SGCD: variants seen among roughly 807,000 people sequenced by gnomAD.
The protein encoded by SGCD is delta-sarcoglycan.
In SGCD, 18 loss-of-function variants were observed where a neutral mutation model predicts 36.6. The ratio of observed to expected loss-of-function variants is 0.49; its 90% CI spans 0.34 to 0.73. The LOEUF is 0.73. Ranked by LOEUF, SGCD falls within the 30% of genes least tolerant of loss-of-function variation. SGCD has a pLI of 0.01. For missense variants in SGCD, 387 were observed against 346.7 expected, an observed-to-expected ratio of 1.12 and a Z score of -0.92; for synonymous variants, 133 against 130.6, an observed-to-expected ratio of 1.02 and a Z score of -0.12.
intron 6 of SGCD, among the ~76,000 whole-genome samples, chr5:156,643,372 G>A (rs151096111): frequency 8.5e-4 from 129 of 152,134 alleles, no homozygotes; most frequent in Middle Eastern, 3.4e-3. Context: ...CACTAGTGGA[G>A]GATACTATAT....
chr5:156,169,326 C>T lies in SGCD; in HGVS notation c.-44+45307C>T, dbSNP rs756714062. Among the ~76,000 whole-genome samples the T allele has an allele frequency of 7.7e-4, 118 of 152,326 alleles. 1 individual carries two copies. Among genetic ancestry groups the T allele is most frequent in the Non-Finnish European group, 4.7e-4 (32 of 68,026 alleles). On this transcript the variant is annotated intron_variant, in intron 3 of 9. Transcript: ENST00000517913. Reference sequence around the variant, plus strand: ...TAGTGGCTAAGCAGCGGTCTTGTCGCATTTCCTCACTTATATAACCACACA... The same window carrying T: ...TAGTGGCTAAGCAGCGGTCTTGTCGTATTTCCTCACTTATATAACCACACA...
intron 3 of SGCD, among the ~76,000 whole-genome samples, chr5:156,233,850 A>C (rs1236993372): frequency 6.6e-6 from 1 of 152,104 alleles, no homozygotes; most frequent in Non-Finnish European, 1.5e-5. Context: ...GCCCCACTGC[A>C]CTCTAGCATG....
At chr5:156,282,067 A>G (rs559066358) in intron 3 of SGCD, among the ~76,000 whole-genome samples, 1 of 152,090 alleles carries the variant, frequency 6.6e-6, no homozygotes. Flanking sequence ...TAGTTTTACC[A>G]TACATCTGAA....
At chr5:156,486,912 TG>T (rs1755696304) in intron 3 of SGCD, among the ~76,000 whole-genome samples, 1 of 152,018 alleles carries the variant, frequency 6.6e-6, no homozygotes, top group South Asian at 2.1e-4. Flanking sequence ...TTCCAAGAAT[TG>T]GTTCACTGCC....
At chr5:156,393,751 A>G in intron 3 of SGCD, 1 of 456,334 alleles carries the variant, frequency 2.2e-6, no homozygotes, top group Non-Finnish European at 4.4e-6. Context: ...TTTGACATCT[A>G]GAGCATCCAT....
chr5:156,314,414 T>C lies in SGCD; in HGVS notation c.-43-15120T>C, dbSNP rs116233401. ...AAGATTTATGAGTCAAAATTAACTA[T>C]AATATAGACATTGCATTATATTAAA... On this transcript the variant is annotated intron_variant, in intron 3 of 9. Transcript: ENST00000517913. Among the ~76,000 whole-genome samples, 1,263 of 152,184 alleles carry C rather than the reference T, an allele frequency of 8.3e-3. 13 individuals are homozygous for C. Among genetic ancestry groups the C allele is most frequent in the African/African-American group, 0.027 (1,143 of 41,572 alleles).
the SGCD span, among the ~76,000 whole-genome samples, chr5:155,745,228 G>A: frequency 2.6e-5 from 4 of 152,272 alleles, no homozygotes; most frequent in South Asian, 6.2e-4. Context: ...ATCCCAGAAG[G>A]CTGATATAGA....
Position 156,473,924 on chromosome 5 carries a change from C to A in SGCD, c.193-34677C>A, listed in dbSNP as rs1035285192. On this transcript the variant is annotated intron_variant, in intron 3 of 8. Coordinates refer to ENST00000337851, the MANE Select transcript of SGCD (RefSeq NM_000337.6). ...TAAATAAATTAGATGAATTTTAATA[C>A]CTTTGATACCAGTTTTCAACTGTAG... 3.3e-5 allele frequency among the ~76,000 whole-genome samples: 5 copies of A among 151,228 alleles called. No homozygotes were observed. The East Asian group carries it at 9.7e-4, about 29-fold the overall frequency.
At chr5:155,947,337 GTA>G (rs1757458986) in intron 1 of SGCD, among the ~76,000 whole-genome samples, 4 of 102,692 alleles carry the variant, frequency 3.9e-5, no homozygotes, top group Non-Finnish European at 8.2e-5. Flanking sequence ...GTGTGTGTGT[GTA>G]ATGTTTTGGT....
At chr5:156,107,700 G>T (rs1471971794) in intron 1 of SGCD, among the ~76,000 whole-genome samples, 2 of 151,772 alleles carry the variant, frequency 1.3e-5, no homozygotes, top group African/African-American at 4.8e-5. Context: ...TGTCATTCCC[G>T]CTCTTACCTT....
Position 156,344,591 on chromosome 5 carries a change from T to C in SGCD, c.106T>C (p.Tyr36His). 1 of 1,612,600 alleles carries C rather than the reference T, an allele frequency of 6.2e-7. No individual in the cohort carries two copies. Among genetic ancestry groups the C allele is most frequent in the Non-Finnish European group, 8.5e-7 (1 of 1,179,232 alleles). ...TTATGGCTGGCGGAAACGATGCCTG[T>C]ATTTCTTTGTCCTGCTCCTCATGAT... ...GIYGWRKRCL[Y>H]FFVLLLMILI... The change falls in exon 3 of 9, where the codon TAT becomes CAT. Residue 36 changes from tyrosine to histidine, a missense_variant. Physicochemically the swap from Tyr to His is moderately conservative, Grantham distance 83. Coordinates refer to ENST00000337851, the MANE Select transcript of SGCD (RefSeq NM_000337.6).
At chr5:156,141,871 A>G (rs1291247466) in intron 3 of SGCD, among the ~76,000 whole-genome samples, 1 of 152,208 alleles carries the variant, frequency 6.6e-6, no homozygotes, top group East Asian at 1.9e-4. Flanking sequence ...TCAAACTAGT[A>G]TCAAACTTTT....
intron 4 of SGCD, among the ~76,000 whole-genome samples, chr5:156,516,354 C>T (rs1445476697): frequency 3.3e-5 from 5 of 152,220 alleles, no homozygotes; most frequent in African/African-American, 1.2e-4. Context: ...TGCTGTTCTG[C>T]AGACTCCACT....
rs1181228091 is a variant in SGCD at position 156,164,001 on chromosome 5, C to T, written c.-44+39982C>T. On this transcript the variant is annotated intron_variant, in intron 3 of 9. Coordinates refer to the SGCD transcript ENST00000517913. ...TCATGCCACTGCACTCCAGCCTGGG[C>T]GACAGAGCGAGACTCTGTCTCAAAA... is the stretch of plus-strand genomic sequence containing the variant. 1.1e-3 allele frequency among the ~76,000 whole-genome samples: 147 copies of T among 139,672 alleles called. 1 individual carries two copies. The highest frequency in any genetic ancestry group is 8.9e-4 in the South Asian group (4 of 4,490). The allele number at this position is 139,672 out of a possible 152,430, so 91.6% of individuals were successfully genotyped here.
intron 1 of SGCD, among the ~76,000 whole-genome samples, chr5:155,942,208 G>C (rs1375277479): frequency 1.3e-5 from 2 of 152,168 alleles, no homozygotes; most frequent in South Asian, 2.1e-4. Context: ...AATTGGAGGA[G>C]AGTCAATACT....
chr5:156,472,021 A>G (rs1442574728), intron 3 of SGCD, among the ~76,000 whole-genome samples: 2 of 152,312 alleles, frequency 1.3e-5, no homozygotes, highest in Admixed American at 6.5e-5. Flanking sequence ...CCTCAACATC[A>G]TTACTCATTA....
intron 7 of SGCD, among the ~76,000 whole-genome samples, chr5:156,672,971 T>G (rs1331393707): frequency 6.6e-6 from 1 of 152,228 alleles, no homozygotes; most frequent in Non-Finnish European, 1.5e-5. Context: ...ACATCTTTCT[T>G]GGTACACCCT....
chr5:155,798,654 G>T, the SGCD span, among the ~76,000 whole-genome samples: 10 of 152,240 alleles, frequency 6.6e-5, no homozygotes, highest in East Asian at 1.7e-3. Flanking sequence ...TTTTAAATCA[G>T]TGATCTCATC....
chr5:156,699,181 G>T (rs1191012141), intron 7 of SGCD, among the ~76,000 whole-genome samples: 1 of 152,130 alleles, frequency 6.6e-6, no homozygotes, highest in Non-Finnish European at 1.5e-5. Context: ...ATGAGAAATT[G>T]CTTGATGGCT....
Sources: gnomAD v4.1 joint callset for allele counts (sites outside exome capture counted in the v4.1 genomes callset) on GRCh38, gnomAD v4.1.1 for gene constraint, MANE v1.5 for transcripts, NCBI Gene and HGNC (gene_info 2026-07-23, HGNC 2026-07-21) for gene names.